Variants in SEZ6L observed in about 807,000 individuals in gnomAD.
SEZ6L encodes the protein seizure related 6 homolog like.
A neutral mutation model predicts 106.2 loss-of-function variants in SEZ6L; 37 were observed. The ratio of observed to expected loss-of-function variants is 0.35; its 90% CI spans 0.27 to 0.46. SEZ6L has a LOEUF of 0.46. Among genes scored for constraint, SEZ6L ranks in the 20% least tolerant of loss-of-function variants. The pLI is 1.00. For synonymous variants in SEZ6L, 541 were observed against 570.4 expected, an observed-to-expected ratio of 0.95 and a Z score of 0.73; for missense variants, 1,172 against 1,332.8, an observed-to-expected ratio of 0.88 and a Z score of 1.88.
At chr22:26,294,871 C>CTCTTTCTCTTTCTCTT (rs1556318567) in intron 3 of SEZ6L, among the ~76,000 whole-genome samples, 2 of 73,216 alleles carry the variant, frequency 2.7e-5, no homozygotes, top group Non-Finnish European at 3.3e-5. Flanking sequence ...CTTTCTCTTT[C>CTCTTTCTCTTTCTCTT]TCTTTCTTTC....
intron 1 of SEZ6L, among the ~76,000 whole-genome samples, chr22:26,239,931 G>T (rs759922772): frequency 2.8e-5 from 4 of 145,390 alleles, no homozygotes; most frequent in Admixed American, 6.8e-5. Context: ...CCCTCCACCC[G>T]CACCTTCACC....
chr22:26,270,570 T>C (rs36035756), intron 1 of SEZ6L, among the ~76,000 whole-genome samples: 9,037 of 151,990 alleles, frequency 0.059, 436 homozygotes, highest in African/African-American at 0.13. Flanking sequence ...GGCAAATGTA[T>C]GGAATAGGAG....
intron 1 of SEZ6L, among the ~76,000 whole-genome samples, chr22:26,221,704 G>A (rs949628561): frequency 2.0e-5 from 3 of 151,968 alleles, no homozygotes; most frequent in African/African-American, 7.3e-5. Flanking sequence ...CGTACCTGGT[G>A]TGTGTGCACC....
chr22:26,226,787 A>G (rs1471479947), intron 1 of SEZ6L, among the ~76,000 whole-genome samples: 1 of 152,214 alleles, frequency 6.6e-6, no homozygotes, highest in African/African-American at 2.4e-5. Flanking sequence ...CAGCTGAGAC[A>G]TGCAGGAAAG....
intron 1 of SEZ6L, among the ~76,000 whole-genome samples, chr22:26,233,562 G>A (rs955674413): frequency 6.6e-6 from 1 of 152,226 alleles, no homozygotes; most frequent in African/African-American, 2.4e-5. Context: ...AGTCGAGCAT[G>A]CGGACCAAGG....
intron 5 of SEZ6L, 108 bp from the exon 6 acceptor site, chr22:26,305,871 A>C: frequency 2.0e-5 from 24 of 1,214,426 alleles, no homozygotes; most frequent in East Asian, 5.0e-5. Flanking sequence ...TCAGGGGAGA[A>C]TGAAACACTC....
chr22:26,311,607 C>T (rs567607573), intron 7 of SEZ6L, among the ~76,000 whole-genome samples, 161 bp from the exon 8 acceptor site: 1 of 152,238 alleles, frequency 6.6e-6, no homozygotes, highest in Admixed American at 6.5e-5. Flanking sequence ...ACTGGGTGGC[C>T]CCAGGGTTCT....
intron 1 of SEZ6L, among the ~76,000 whole-genome samples, chr22:26,290,248 T>TCTAAA (rs2081065599): frequency 6.6e-6 from 1 of 152,128 alleles, no homozygotes; most frequent in African/African-American, 2.4e-5. Context: ...AAATGACTAT[T>TCTAAA]GGGCCGGGCG....
chr22:26,210,530 T>C (rs1444363463), intron 1 of SEZ6L, among the ~76,000 whole-genome samples: 1 of 152,188 alleles, frequency 6.6e-6, no homozygotes, highest in African/African-American at 2.4e-5. Flanking sequence ...GTAATTCCGA[T>C]GTCAGTGACA....
rs780913031 is a variant in SEZ6L, at chr22:26,347,795, G to A, written c.2289G>A (p.Leu763=). The A allele has an allele frequency of 1.9e-6, 3 of 1,609,312 alleles. No individual in the cohort carries two copies. Among genetic ancestry groups the A allele is most frequent in the Non-Finnish European group, 2.5e-6 (3 of 1,178,266 alleles). The part of the protein sequence containing the change: ...NGWKTTSHTE[L]VRGARITYQC... ...GGAAAACCACTTCTCACACGGAGTT[G>A]GTGCGGGGAGCCAGAATCACCTACC... The change falls in exon 11 of 17, where the codon TTG becomes TTA. Residue 763 remains leucine, a synonymous_variant. Coordinates refer to ENST00000248933, the MANE Select transcript of SEZ6L (RefSeq NM_021115.5).
intron 1 of SEZ6L, among the ~76,000 whole-genome samples, chr22:26,268,636 C>T (rs938055538): frequency 1.3e-5 from 2 of 152,240 alleles, no homozygotes; most frequent in African/African-American, 4.8e-5. Flanking sequence ...CTCTCCATCT[C>T]CGCACAACTG....
chr22:26,301,093 T>C (rs1159597850), intron 5 of SEZ6L, among the ~76,000 whole-genome samples: 1 of 152,206 alleles, frequency 6.6e-6, no homozygotes, highest in Non-Finnish European at 1.5e-5. Context: ...AGCAATGCCA[T>C]AGGATGGGAG....
At chr22:26,310,861 T>C (rs1184295195) in intron 7 of SEZ6L, 25 bp downstream of exon 7, 4 of 1,609,214 alleles carry the variant, frequency 2.5e-6, no homozygotes, top group East Asian at 4.5e-5. Context: ...GAGCTTCCCT[T>C]TCTCTTGTGG....
In SEZ6L at chr22:26,377,758, C is replaced by G. The variant is rs190563242; in HGVS notation, c.3028C>G (p.Pro1010Ala). 6.2e-7 allele frequency: 1 copy of G among 1,612,816 alleles called. No individual in the cohort carries two copies. The highest frequency in any genetic ancestry group is 2.2e-5 in the East Asian group (1 of 44,866). ...CACCGTGGAAACCGAGTTTGACAACCCCATTTACGAGACAGGGGTGAGTTG... is the reference window on the plus strand; with the variant it reads ...CACCGTGGAAACCGAGTTTGACAACGCCATTTACGAGACAGGGGTGAGTTG... ...QITVETEFDN[P>A]IYETGETREY... The change falls in exon 16 of 17, where the codon CCC (proline) becomes GCC (alanine). Residue 1010 changes from proline (P) to alanine (A), a missense_variant. Coordinates refer to ENST00000248933, the MANE Select transcript of SEZ6L (RefSeq NM_021115.5).
chr22:26,284,329 G>A (rs369774642), intron 1 of SEZ6L, among the ~76,000 whole-genome samples: 24 of 152,246 alleles, frequency 1.6e-4, no homozygotes, highest in African/African-American at 5.1e-4. Context: ...AGACTTGGCC[G>A]GGTGCGGTGG....
chr22:26,313,331 T>G (rs1347645566), intron 8 of SEZ6L, among the ~76,000 whole-genome samples: 1 of 152,116 alleles, frequency 6.6e-6, no homozygotes, highest in Non-Finnish European at 1.5e-5. Context: ...TCTGGGAAAT[T>G]ACATACCTCC....
At chr22:26,359,625 C>T (rs900017784) in intron 12 of SEZ6L, among the ~76,000 whole-genome samples, 8 of 152,068 alleles carry the variant, frequency 5.3e-5, no homozygotes, top group African/African-American at 1.4e-4. Flanking sequence ...TCAGGGTCCT[C>T]AGGACCCTGT....
chr22:26,244,503 A>C (rs1218565529), intron 1 of SEZ6L: 1 of 152,238 alleles, frequency 6.6e-6, no homozygotes, highest in African/African-American at 2.4e-5. Context: ...ACTCTAGAAC[A>C]GAGAGATATT....
chr22:26,208,841 A>ACTCT (rs202119093), intron 1 of SEZ6L, among the ~76,000 whole-genome samples: 1 of 72,608 alleles, frequency 1.4e-5, no homozygotes, highest in African/African-American at 5.1e-5. Flanking sequence ...CTACTTCTTG[A>ACTCT]CTCTCTCTCT....
Sources: gnomAD v4.1 joint callset for allele counts (sites outside exome capture counted in the v4.1 genomes callset) on GRCh38, gnomAD v4.1.1 for gene constraint, MANE v1.5 for transcripts, NCBI Gene and HGNC (gene_info 2026-07-23, HGNC 2026-07-21) for gene names.